ZNF44: variants seen among roughly 807,000 people sequenced by gnomAD.
ZNF44 encodes the protein gonadotropin inducible transcription repressor-2.
In ZNF44, 9 loss-of-function variants were observed where a neutral mutation model predicts 11.7. That is an observed-to-expected ratio of 0.77 (90% CI 0.46 to 1.35). The LOEUF (loss-of-function observed/expected upper bound fraction) is 1.35, where lower values mean the gene tolerates loss of function less well. Among genes scored for constraint, ZNF44 ranks in the 40% most tolerant of loss-of-function variants. The pLI, the probability that ZNF44 is intolerant of heterozygous loss-of-function variation, is 0.00. For synonymous variants in ZNF44, 224 were observed against 242.7 expected, an observed-to-expected ratio of 0.92 and a Z score of 0.72; for missense variants, 696 against 743.1, an observed-to-expected ratio of 0.94 and a Z score of 0.74.
exon 8 of ZNF44, chr19:12,248,116 G>A (rs546203848): frequency 6.4e-5 from 84 of 1,305,224 alleles, no homozygotes; most frequent in Middle Eastern, 4.2e-4. Context: ...CATTCATAGC[G>A]TTTCTGTACA....
intron 1 of ZNF44, among the ~76,000 whole-genome samples, chr19:12,277,585 T>C (rs1967284505): frequency 6.6e-6 from 1 of 152,214 alleles, no homozygotes; most frequent in South Asian, 2.1e-4. Context: ...AAAACTGTAA[T>C]TTTTCACATC....
At chr19:12,288,079 C>G (rs1042427913) in intron 1 of ZNF44, among the ~76,000 whole-genome samples, 1 of 152,110 alleles carries the variant, frequency 6.6e-6, no homozygotes, top group Non-Finnish European at 1.5e-5. Context: ...TAATTCAATG[C>G]TGACACCACT....
chr19:12,249,316 TA>T (rs1209513340), intron 7 of ZNF44, among the ~76,000 whole-genome samples: 6 of 150,956 alleles, frequency 4.0e-5, no homozygotes, highest in East Asian at 2.0e-4. Flanking sequence ...CCATCCTGGC[TA>T]AACACAGTGA....
chr19:12,262,582 T>A (rs1917556145), intron 5 of ZNF44, among the ~76,000 whole-genome samples: 1 of 152,160 alleles, frequency 6.6e-6, no homozygotes, highest in Non-Finnish European at 1.5e-5. Flanking sequence ...AATTCATTTT[T>A]CTTAAAGAGT....
chr19:12,267,378 A>G (rs574542069), downstream of ZNF44, among the ~76,000 whole-genome samples: 244 of 152,214 alleles, frequency 1.6e-3, 1 homozygote, highest in African/African-American at 5.7e-3. Context: ...ATTAAAACAC[A>G]CCAACAAGGG....
At chr19:12,245,490 ATT>A (rs1916745158), downstream of ZNF44, among the ~76,000 whole-genome samples, 1 of 152,190 alleles carries the variant, frequency 6.6e-6, no homozygotes, top group South Asian at 2.1e-4. Flanking sequence ...GACCTAAGAC[ATT>A]TGTTTTCACA....
chr19:12,228,439 T>C (rs1370675587), intron 3 of ZNF44, among the ~76,000 whole-genome samples: 1 of 152,204 alleles, frequency 6.6e-6, no homozygotes, highest in African/African-American at 2.4e-5. Context: ...ATTCCGTGTG[T>C]CCTAGGTTTT....
At chr19:12,288,112 A>G (rs887856798) in intron 1 of ZNF44, among the ~76,000 whole-genome samples, 5 of 152,140 alleles carry the variant, frequency 3.3e-5, no homozygotes, top group Non-Finnish European at 4.4e-5. Context: ...AGACCCCACA[A>G]ATTGAGGGCT....
intron 7 of ZNF44, among the ~76,000 whole-genome samples, chr19:12,249,165 G>A (rs991713561): frequency 2.0e-5 from 3 of 151,724 alleles, no homozygotes; most frequent in African/African-American, 7.2e-5. Flanking sequence ...GGGATTATAG[G>A]CGGGAGCCAC....
chr19:12,275,941 T>C lies in ZNF44; in HGVS notation c.130+15A>G, dbSNP rs772674790. ...GTCTCTAATTGACCAAATGAAGACA[T>C]GATGTCATCCATACCTATACAGTTC... On this transcript the variant is annotated intron_variant, in intron 2 of 3. Coordinates refer to ENST00000355684, the MANE Select transcript of ZNF44 (RefSeq NM_016264.4). 22 of 1,586,572 alleles carry C rather than the reference T, an allele frequency of 1.4e-5. No homozygotes were observed. In the South Asian group the frequency reaches 2.3e-4, roughly 17 times the overall value.
At chr19:12,254,621 G>A (rs985625155) in intron 5 of ZNF44, among the ~76,000 whole-genome samples, 2 of 152,138 alleles carry the variant, frequency 1.3e-5, no homozygotes, top group Admixed American at 1.3e-4. Context: ...TGTAATCTCA[G>A]CTACTTGGGA....
Position 12,272,546 on chromosome 19 carries a change from C to A in ZNF44, c.1709G>T (p.Ser570Ile), listed in dbSNP as rs776207200. 6 of 1,613,474 alleles carry A rather than the reference C, an allele frequency of 3.7e-6. No individual in the cohort carries two copies. Among genetic ancestry groups the A allele is most frequent in the African/African-American group, 1.3e-5 (1 of 74,862 alleles). Residue 570 changes from serine to isoleucine, a missense_variant, in exon 4 of 4, where the codon AGT becomes ATT. By Grantham distance (142) the Ser-to-Ile change is moderately radical. Coordinates refer to ENST00000355684, the MANE Select transcript of ZNF44 (RefSeq NM_016264.4). ...ATGTTCTCGACAGAAACTGGAACGA[C>A]TGAAGGCTTTACCACAGTGTTTACA... The part of the protein sequence containing the change: ...YECKHCGKAF[S>I]RSSFCREHER...
At chr19:12,266,324 G>T in intron 5 of ZNF44, 1 of 985,354 alleles carries the variant, frequency 1.0e-6, no homozygotes, top group Non-Finnish European at 1.2e-6. Flanking sequence ...GGCTCTCCTG[G>T]CCACAGCAGG....
At chr19:12,289,769 C>T (rs989597671) in intron 1 of ZNF44, among the ~76,000 whole-genome samples, 21 of 151,318 alleles carry the variant, frequency 1.4e-4, no homozygotes, top group Non-Finnish European at 1.6e-4. Flanking sequence ...CTCAGCCTCC[C>T]GAGTAGCACC....
chr19:12,263,546 A>G (rs190491647), intron 5 of ZNF44, among the ~76,000 whole-genome samples: 1 of 152,262 alleles, frequency 6.6e-6, no homozygotes, highest in African/African-American at 2.4e-5. Flanking sequence ...GCAGGCCAAG[A>G]TGGGAGTCCC....
intron 2 of ZNF44, among the ~76,000 whole-genome samples, chr19:12,231,975 G>C (rs1372676434): frequency 6.6e-6 from 1 of 152,158 alleles, no homozygotes; most frequent in Non-Finnish European, 1.5e-5. Flanking sequence ...GGAGGATCCC[G>C]CCAGCCTCTG....
intron 2 of ZNF44, among the ~76,000 whole-genome samples, chr19:12,232,527 T>G (rs909419596): frequency 6.6e-6 from 1 of 152,162 alleles, no homozygotes; most frequent in Non-Finnish European, 1.5e-5. Context: ...TACTTGAGAT[T>G]AGGGAGTGGT....
chr19:12,270,244 T>A (rs1313180120), downstream of ZNF44, among the ~76,000 whole-genome samples: 1 of 152,044 alleles, frequency 6.6e-6, no homozygotes, highest in Non-Finnish European at 1.5e-5. Context: ...TCACACACAC[T>A]CTCATCATGC....
At chr19:12,285,994 G>A (rs1967725852) in intron 1 of ZNF44, among the ~76,000 whole-genome samples, 1 of 152,048 alleles carries the variant, frequency 6.6e-6, no homozygotes, top group Admixed American at 6.5e-5. Context: ...ACTCTAGCCT[G>A]GGTGACAGAG....
Sources: gnomAD v4.1 joint callset for allele counts (sites outside exome capture counted in the v4.1 genomes callset) on GRCh38, gnomAD v4.1.1 for gene constraint, MANE v1.5 for transcripts, NCBI Gene and HGNC (gene_info 2026-07-23, HGNC 2026-07-21) for gene names.